Variants in PDE11A observed in about 807,000 individuals in gnomAD.
PDE11A encodes dual 3',5'-cyclic-AMP and -GMP phosphodiesterase 11A.
PDE11A carries 100 observed loss-of-function variants against 100.5 expected under a neutral mutation model. The observed-to-expected ratio is 1.00, with a 90% CI of 0.85 to 1.18. PDE11A has a LOEUF of 1.18. PDE11A is among the 50% of genes most tolerant of loss of function. The pLI is 0.00. For missense variants in PDE11A, 1,141 were observed against 1,152.6 expected (o/e 0.99, Z 0.15); for synonymous variants, 381 against 420.8 (o/e 0.91, Z 1.16).
chr2:177,948,227 T>A (rs977407560), intron 2 of PDE11A, among the ~76,000 whole-genome samples: 1 of 152,208 alleles, frequency 6.6e-6, no homozygotes, highest in Admixed American at 6.5e-5. Flanking sequence ...AATTTTCCAA[T>A]TTTTTGATTT....
intron 9 of PDE11A, among the ~76,000 whole-genome samples, chr2:177,816,344 TGGGA>T (rs2105578944): frequency 6.6e-6 from 1 of 152,182 alleles, no homozygotes; most frequent in South Asian, 2.1e-4. Flanking sequence ...TGTGCAGACA[TGGGA>T]ACAGGTCAAG....
chr2:178,021,606 T>TA (rs1433113967), intron 1 of PDE11A, among the ~76,000 whole-genome samples: 7 of 152,096 alleles, frequency 4.6e-5, no homozygotes, highest in Non-Finnish European at 8.8e-5. Flanking sequence ...TAGATGAAAT[T>TA]AAAAAATAGA....
chr2:177,627,073 G>C lies in PDE11A; in HGVS notation c.*2334C>G, dbSNP rs1369571184. The C allele has an allele frequency of 8.6e-6, 1 of 116,368 alleles. No homozygotes were observed. The highest frequency in any genetic ancestry group is 1.6e-5 in the Non-Finnish European group (1 of 60,750). 7.2% of individuals were successfully genotyped at this position (116,368 alleles called of 1,614,324 possible). On this transcript the variant is annotated 3_prime_UTR_variant, in exon 20 of 20. Coordinates refer to ENST00000286063, the MANE Select transcript of PDE11A (RefSeq NM_016953.4). ...TTTTTGAGACGGAGTCTCGCTGGTCGCCCAGGCTGGAGGGCAGTGACGTGA... is the reference window on the plus strand; with the variant it reads ...TTTTTGAGACGGAGTCTCGCTGGTCCCCCAGGCTGGAGGGCAGTGACGTGA...
chr2:177,871,017 G>A (rs906620576), intron 5 of PDE11A, among the ~76,000 whole-genome samples: 6 of 152,058 alleles, frequency 3.9e-5, no homozygotes, highest in Admixed American at 1.3e-4. Flanking sequence ...GTTCACTAAA[G>A]GACAGGAGCC....
At position 177,745,816 on chromosome 2, in the gene PDE11A, G is replaced by A. The variant is rs150941498; in HGVS notation, c.1789-17644C>T. ...TCTTGCCCACTACAGCTTGTCAGGC[G>A]GGCTGAGTCCTCCTCCACTCCTGAG... On this transcript the variant is annotated intron_variant, in intron 10 of 19. Coordinates refer to ENST00000286063, the MANE Select transcript of PDE11A (RefSeq NM_016953.4). Among the ~76,000 whole-genome samples, 333 of 152,280 alleles carry A rather than the reference G, an allele frequency of 2.2e-3. 1 individual carries two copies. The highest frequency in any genetic ancestry group is 0.01 in the Middle Eastern group (3 of 294).
At chr2:177,728,244 C>G (rs2081631933) in intron 10 of PDE11A, 72 bp from the exon 11 acceptor site, 1 of 1,360,324 alleles carries the variant, frequency 7.4e-7, no homozygotes, top group African/African-American at 1.4e-5. Context: ...CTCTCCTCCC[C>G]TGCTTATCAG....
At chr2:177,901,253 C>G (rs905697936) in intron 3 of PDE11A, among the ~76,000 whole-genome samples, 74 of 152,144 alleles carry the variant, frequency 4.9e-4, no homozygotes, top group African/African-American at 1.7e-3. Flanking sequence ...TGTGACCCCC[C>G]CCATCCATGA....
chr2:177,961,261 T>C (rs572933294), intron 2 of PDE11A, among the ~76,000 whole-genome samples: 20 of 145,254 alleles, frequency 1.4e-4, no homozygotes, highest in African/African-American at 4.6e-4. Flanking sequence ...GGCCTCCAGG[T>C]TTTTTTTTTT....
At chr2:177,993,576 T>G (rs1461706470) in intron 2 of PDE11A, among the ~76,000 whole-genome samples, 1 of 152,210 alleles carries the variant, frequency 6.6e-6, no homozygotes, top group East Asian at 1.9e-4. Context: ...ATTGATATAA[T>G]CTTCCAATAG....
chr2:177,630,584 G>A (rs2079903824), intron 19 of PDE11A, among the ~76,000 whole-genome samples: 1 of 152,140 alleles, frequency 6.6e-6, no homozygotes, highest in East Asian at 1.9e-4. Context: ...CAGGTCAGAG[G>A]AGCATGGAAT....
chr2:177,922,441 A>G (rs1175123339), intron 2 of PDE11A, among the ~76,000 whole-genome samples: 1 of 152,110 alleles, frequency 6.6e-6, no homozygotes, highest in Non-Finnish European at 1.5e-5. Flanking sequence ...TATAATAATA[A>G]TAAAATTAAA....
chr2:177,707,695 T>C (rs1226666839), intron 13 of PDE11A, among the ~76,000 whole-genome samples: 1 of 152,178 alleles, frequency 6.6e-6, no homozygotes, highest in African/African-American at 2.4e-5. Flanking sequence ...AATATCACGG[T>C]AATCCAACTC....
intron 9 of PDE11A, among the ~76,000 whole-genome samples, chr2:177,775,707 C>T (rs2082368839): frequency 6.6e-6 from 1 of 152,206 alleles, no homozygotes; most frequent in African/African-American, 2.4e-5. Context: ...CTTCCCTGTC[C>T]TCATCACCTC....
intron 1 of PDE11A, among the ~76,000 whole-genome samples, chr2:178,053,545 A>G (rs1331230920): frequency 6.6e-6 from 1 of 152,210 alleles, no homozygotes; most frequent in East Asian, 1.9e-4. Context: ...AATAAAGGGT[A>G]TTCAATTAGG....
chr2:177,715,616 C>T (rs2081426988), intron 12 of PDE11A, among the ~76,000 whole-genome samples: 1 of 151,966 alleles, frequency 6.6e-6, no homozygotes, highest in Admixed American at 6.6e-5. Context: ...CTCTTACTTT[C>T]CAGGCATAAT....
At chr2:177,866,811 C>T (rs1158409059) in intron 5 of PDE11A, among the ~76,000 whole-genome samples, 2 of 152,124 alleles carry the variant, frequency 1.3e-5, no homozygotes, top group East Asian at 3.9e-4. Flanking sequence ...TGGGAAATAC[C>T]AGTTTCATAC....
rs529319938 is a variant in PDE11A, at chr2:177,892,512, G to C, written c.1302+5546C>G. Among the ~76,000 whole-genome samples the C allele has an allele frequency of 3.8e-4, 58 of 152,340 alleles. No homozygotes were observed. The South Asian group carries it at 5.4e-3, about 14-fold the overall frequency. On this transcript the variant is annotated intron_variant, in intron 4 of 19. Coordinates refer to ENST00000286063, the MANE Select transcript of PDE11A (RefSeq NM_016953.4). The stretch of plus-strand genomic sequence containing the variant: ...TTCTATAACTCAACTAAATTTATCT[G>C]CTTAAGCCTCAAGTCTGCTTATTGG...
intron 2 of PDE11A, chr2:177,998,268 G>GT: frequency 1.2e-6 from 1 of 827,646 alleles, no homozygotes. Context: ...CACTTCCTTT[G>GT]TTAATACTTC....
intron 2 of PDE11A, among the ~76,000 whole-genome samples, chr2:178,008,166 A>G (rs1313666914): frequency 5.3e-5 from 8 of 152,252 alleles, no homozygotes; most frequent in Non-Finnish European, 1.0e-4. Flanking sequence ...TGGTGAATTA[A>G]TATAGAACAT....
Sources: gnomAD v4.1 joint callset for allele counts (sites outside exome capture counted in the v4.1 genomes callset) on GRCh38, gnomAD v4.1.1 for gene constraint, MANE v1.5 for transcripts, NCBI Gene and HGNC (gene_info 2026-07-23, HGNC 2026-07-21) for gene names.